USH2A: variants seen among roughly 807,000 people sequenced by gnomAD.
USH2A encodes the protein Usher syndrome 2A (autosomal recessive, mild).
Under a neutral mutation model 538.9 loss-of-function variants are expected in USH2A, and 443 were observed. The ratio of observed to expected loss-of-function variants is 0.82; its 90% CI spans 0.76 to 0.89. USH2A has a LOEUF of 0.89. Ranked by LOEUF, USH2A falls within the 40% of genes least tolerant of loss-of-function variation. The pLI is 0.00. For missense variants in USH2A, 6,633 were observed against 6,324.8 expected, an observed-to-expected ratio of 1.05 and a Z score of -1.65; for synonymous variants, 2,413 against 2,273.5, an observed-to-expected ratio of 1.06 and a Z score of -1.75.
Position 216,138,427 on chromosome 1 carries a change from C to T in USH2A, c.4627+36825G>A, listed in dbSNP as rs535069205. ...AACCTGTACTGTTATGTAGTCCGTG[C>T]AGCTATTGCTCCAACTGTAGCCCTT... On this transcript the variant is annotated intron_variant, in intron 21 of 71. Coordinates refer to ENST00000307340, the MANE Select transcript of USH2A (RefSeq NM_206933.4). Among the ~76,000 whole-genome samples the T allele has an allele frequency of 6.4e-4, 98 of 152,310 alleles. 1 individual carries two copies. The highest frequency in any genetic ancestry group is 2.3e-3 in the African/African-American group (97 of 41,584).
chr1:215,856,320 C>T (rs1664165104), intron 44 of USH2A, among the ~76,000 whole-genome samples: 1 of 152,024 alleles, frequency 6.6e-6, no homozygotes, highest in Non-Finnish European at 1.5e-5. Context: ...AATCTACAAG[C>T]AACTCAAACA....
chr1:215,878,150 G>A (rs958794651), intron 42 of USH2A, among the ~76,000 whole-genome samples: 6 of 151,994 alleles, frequency 3.9e-5, no homozygotes, highest in African/African-American at 7.2e-5. Flanking sequence ...TTCTAAGTTA[G>A]ATGTGCCAAA....
At chr1:216,321,816 C>A (rs1276556301) in intron 9 of USH2A, 67 bp downstream of exon 9, 2 of 1,380,768 alleles carry the variant, frequency 1.4e-6, no homozygotes, top group Non-Finnish European at 1.0e-6. Context: ...AGATTAAGTT[C>A]ATAGAATTTA....
chr1:216,365,362 T>G (rs1461308752), intron 3 of USH2A, among the ~76,000 whole-genome samples: 3 of 152,276 alleles, frequency 2.0e-5, no homozygotes, highest in African/African-American at 7.2e-5. Context: ...GGTTGCCATG[T>G]TTTACAGGGT....
intron 49 of USH2A, among the ~76,000 whole-genome samples, chr1:215,804,235 A>C (rs1324497421): frequency 6.6e-6 from 1 of 152,058 alleles, no homozygotes; most frequent in Non-Finnish European, 1.5e-5. Flanking sequence ...CAAGGACTTC[A>C]TGTCTAAAAC....
intron 3 of USH2A, among the ~76,000 whole-genome samples, chr1:216,397,635 A>G (rs1482117955): frequency 1.3e-5 from 2 of 152,178 alleles, no homozygotes; most frequent in Non-Finnish European, 2.9e-5. Flanking sequence ...CTGCCTTTAG[A>G]CATCAGACTC....
chr1:215,692,368 T>C (rs549982967), intron 61 of USH2A, among the ~76,000 whole-genome samples: 5 of 152,188 alleles, frequency 3.3e-5, no homozygotes, highest in African/African-American at 1.2e-4. Flanking sequence ...AAATGGGAGA[T>C]ACCAGGAGTA....
At chr1:215,914,975 T>C (rs914433381) in intron 38 of USH2A, among the ~76,000 whole-genome samples, 1 of 152,170 alleles carries the variant, frequency 6.6e-6, no homozygotes, top group Non-Finnish European at 1.5e-5. Flanking sequence ...TTGATATTCA[T>C]TTGTAAACAT....
intron 9 of USH2A, among the ~76,000 whole-genome samples, chr1:216,314,411 T>A (rs1215705621): frequency 6.6e-6 from 1 of 151,998 alleles, no homozygotes; most frequent in Non-Finnish European, 1.5e-5. Flanking sequence ...GCTAGTTATA[T>A]AAAAATGAAT....
chr1:215,659,615 C>T (rs192178209), intron 64 of USH2A, among the ~76,000 whole-genome samples: 2 of 152,092 alleles, frequency 1.3e-5, no homozygotes, highest in African/African-American at 4.8e-5. Flanking sequence ...TTAAAGTTCA[C>T]AGCAACTTTC....
chr1:215,639,022 C>T, intron 69 of USH2A, 133 bp downstream of exon 69: 1 of 830,700 alleles, frequency 1.2e-6, no homozygotes, highest in East Asian at 2.7e-5. Flanking sequence ...AAAACTCTGA[C>T]AACACTTGGC....
chr1:216,112,826 G>A (rs1169916875), intron 21 of USH2A, among the ~76,000 whole-genome samples: 2 of 151,784 alleles, frequency 1.3e-5, no homozygotes, highest in Non-Finnish European at 2.9e-5. Context: ...TGCTGTATAT[G>A]TACCACATTT....
At chr1:216,257,948 C>T (rs1003156382) in intron 11 of USH2A, among the ~76,000 whole-genome samples, 4 of 151,982 alleles carry the variant, frequency 2.6e-5, no homozygotes, top group African/African-American at 9.7e-5. Context: ...AGCTTTTAAA[C>T]TATGTAGAGT....
chr1:216,158,561 T>C lies in USH2A; in HGVS notation c.4627+16691A>G, dbSNP rs139111892. 1.6e-3 allele frequency among the ~76,000 whole-genome samples: 247 copies of C among 152,316 alleles called. 1 individual carries two copies. Among genetic ancestry groups the C allele is most frequent in the African/African-American group, 5.5e-3 (229 of 41,580 alleles). On this transcript the variant is annotated intron_variant, in intron 21 of 71. Coordinates refer to ENST00000307340, the MANE Select transcript of USH2A (RefSeq NM_206933.4). ...TATATGTATTTATTTGGGGTATTTATGTGGCAATATGTTATTACTATACTT... is the reference window on the plus strand; with the variant it reads ...TATATGTATTTATTTGGGGTATTTACGTGGCAATATGTTATTACTATACTT...
rs188508041 is a variant in USH2A at position 215,623,608 on chromosome 1, A to C, written c.*2173T>G. 2 of 152,254 alleles carry C rather than the reference A, an allele frequency of 1.3e-5. No homozygotes were observed. Among genetic ancestry groups the C allele is most frequent in the East Asian group, 3.9e-4 (2 of 5,174 alleles). 9.4% of individuals were successfully genotyped at this position (152,254 alleles called of 1,614,324 possible). A position where few individuals can be genotyped will look rare whatever the true frequency, so the allele number is the denominator to read the frequency against. On this transcript the variant is annotated 3_prime_UTR_variant, in exon 72 of 72. Coordinates refer to ENST00000307340, the MANE Select transcript of USH2A (RefSeq NM_206933.4). Reference sequence around the variant, plus strand: ...AACTTAGACATGTAGCAGGGGACAGAGTTCTGGGCAGAAGCCATACAGGCT... The same window carrying C: ...AACTTAGACATGTAGCAGGGGACAGCGTTCTGGGCAGAAGCCATACAGGCT...
chr1:215,638,298 T>C (rs1656564095), intron 69 of USH2A, among the ~76,000 whole-genome samples: 1 of 152,202 alleles, frequency 6.6e-6, no homozygotes, highest in Non-Finnish European at 1.5e-5. Context: ...GTCTTTTCCA[T>C]ATTTACAATT....
intron 3 of USH2A, among the ~76,000 whole-genome samples, chr1:216,417,786 T>C (rs1158218030): frequency 6.6e-6 from 1 of 152,078 alleles, no homozygotes; most frequent in Admixed American, 6.6e-5. Flanking sequence ...TTCTTTATAA[T>C]AAATTACCCA....
At chr1:216,357,054 G>A (rs940279530) in intron 4 of USH2A, among the ~76,000 whole-genome samples, 3 of 152,060 alleles carry the variant, frequency 2.0e-5, no homozygotes, top group Non-Finnish European at 4.4e-5. Flanking sequence ...TGCTAATAAA[G>A]GTCCTTAATA....
intron 35 of USH2A, among the ~76,000 whole-genome samples, chr1:215,973,674 T>TTTTTG (rs1491491400): frequency 7.2e-6 from 1 of 139,012 alleles, no homozygotes; most frequent in African/African-American, 2.7e-5. Context: ...TTTTTTTTTT[T>TTTTTG]GTCTATCTGA....
Sources: gnomAD v4.1 joint callset for allele counts (sites outside exome capture counted in the v4.1 genomes callset) on GRCh38, gnomAD v4.1.1 for gene constraint, MANE v1.5 for transcripts, NCBI Gene and HGNC (gene_info 2026-07-23, HGNC 2026-07-21) for gene names.